Variants in CACNA1A observed in about 807,000 individuals in gnomAD.
The protein encoded by CACNA1A is calcium voltage-gated channel subunit alpha1 A, also known as voltage-dependent P/Q-type calcium channel subunit alpha-1A.
A neutral mutation model predicts 262.4 loss-of-function variants in CACNA1A; 57 were observed. That is an observed-to-expected ratio of 0.22 (90% CI 0.18 to 0.27). CACNA1A has a LOEUF of 0.27. Ranked by LOEUF, CACNA1A falls within the 10% of genes least tolerant of loss-of-function variation. CACNA1A has a pLI of 1.00. For missense variants in CACNA1A, 2,526 were observed against 3,562.8 expected (o/e 0.71, Z 7.41); for synonymous variants, 1,431 against 1,419.3 (o/e 1.01, Z -0.18).
At chr19:13,453,045 C>T (rs746886395) in intron 2 of CACNA1A, 30 bp from the exon 3 acceptor site, 6 of 1,613,446 alleles carry the variant, frequency 3.7e-6, no homozygotes, top group Non-Finnish European at 5.1e-6. Flanking sequence ...AGGTCAGCGT[C>T]TTGGGCTGGG....
intron 37 of CACNA1A, chr19:13,227,217 AG>A (rs2055486421): frequency 3.1e-6 from 1 of 324,434 alleles, no homozygotes; most frequent in African/African-American, 2.2e-5. Flanking sequence ...GACACTCATC[AG>A]AAAGGACGGA....
At chr19:13,265,128 A>G (rs574796192) in intron 24 of CACNA1A, among the ~76,000 whole-genome samples, 5 of 151,680 alleles carry the variant, frequency 3.3e-5, no homozygotes, top group African/African-American at 1.2e-4. Flanking sequence ...ACTGGCCTTG[A>G]CTCCCAAAGT....
At chr19:13,231,434 C>T (rs780605495) in intron 35 of CACNA1A, among the ~76,000 whole-genome samples, 4 of 152,034 alleles carry the variant, frequency 2.6e-5, no homozygotes, top group African/African-American at 9.7e-5. Context: ...ACAGGAGGAA[C>T]GGGTGGCGTG....
intron 3 of CACNA1A, among the ~76,000 whole-genome samples, chr19:13,424,435 CTTAT>C (rs960133902): frequency 1.2e-4 from 19 of 152,152 alleles, no homozygotes; most frequent in South Asian, 2.1e-4. Context: ...TGTTCTATTA[CTTAT>C]TTATTTTATT....
intron 2 of CACNA1A, among the ~76,000 whole-genome samples, chr19:13,453,299 C>G (rs573283242): frequency 1.2e-4 from 19 of 152,136 alleles, no homozygotes; most frequent in Non-Finnish European, 2.4e-4. Context: ...TTATTCAATA[C>G]GACAGTCACA....
At chr19:13,280,423 C>T (rs2057262872) in intron 22 of CACNA1A, among the ~76,000 whole-genome samples, 2 of 151,362 alleles carry the variant, frequency 1.3e-5, no homozygotes, top group South Asian at 4.2e-4. Context: ...GAACTCCTGG[C>T]CTCAAGCATT....
intron 10 of CACNA1A, among the ~76,000 whole-genome samples, chr19:13,323,338 A>C (rs2058293841): frequency 6.6e-6 from 1 of 152,216 alleles, no homozygotes; most frequent in Admixed American, 6.5e-5. Flanking sequence ...GTGATAGCTA[A>C]TGGTGGTTTT....
At chr19:13,249,743 C>T (rs543058047) in intron 30 of CACNA1A, among the ~76,000 whole-genome samples, 1 of 152,132 alleles carries the variant, frequency 6.6e-6, no homozygotes, top group Non-Finnish European at 1.5e-5. Flanking sequence ...TACCAGGGCT[C>T]TGCTGAGGTG....
intron 4 of CACNA1A, among the ~76,000 whole-genome samples, chr19:13,369,134 G>A (rs2059272631): frequency 1.3e-5 from 2 of 151,778 alleles, no homozygotes; most frequent in South Asian, 4.1e-4. Flanking sequence ...GTCTGGCCAA[G>A]ATCCCATTTT....
chr19:13,353,120 T>G (rs2058944967), intron 6 of CACNA1A, among the ~76,000 whole-genome samples: 1 of 151,350 alleles, frequency 6.6e-6, no homozygotes, highest in South Asian at 2.1e-4. Flanking sequence ...ATCATTTTTT[T>G]TGTTTTGTTT....
At chr19:13,476,537 T>C (rs988382855) in intron 1 of CACNA1A, among the ~76,000 whole-genome samples, 7 of 152,140 alleles carry the variant, frequency 4.6e-5, no homozygotes, top group Non-Finnish European at 8.8e-5. Context: ...GAATTAGTAG[T>C]TTCCAGAAGC....
chr19:13,354,764 T>G (rs1030451434), intron 6 of CACNA1A, among the ~76,000 whole-genome samples: 4 of 152,164 alleles, frequency 2.6e-5, no homozygotes, highest in Non-Finnish European at 4.4e-5. Context: ...TTAGTTAAAA[T>G]TAGGTTGGAC....
At chr19:13,282,690 G>A (rs4926256) in intron 22 of CACNA1A, among the ~76,000 whole-genome samples, 5 of 151,362 alleles carry the variant, frequency 3.3e-5, no homozygotes, top group East Asian at 2.0e-4. Context: ...ATGCCTGGGC[G>A]GGGGGTTGGG....
rs557919995 is a variant in CACNA1A at position 13,463,340 on chromosome 19, C to T, written c.294-8128G>A. Among the ~76,000 whole-genome samples, 4 of 152,244 alleles carry T rather than the reference C, an allele frequency of 2.6e-5. 1 individual carries two copies. The South Asian group carries it at 8.3e-4, about 32-fold the overall frequency. On this transcript the variant is annotated intron_variant, in intron 1 of 46. Coordinates refer to ENST00000360228, the MANE Select transcript of CACNA1A (RefSeq NM_001127222.2). Reference sequence around the variant, plus strand: ...ATGACTATTTCAACTTCAAACAATCCAAACAGTCTCCAGTTCCCAGACATG... The same window carrying T: ...ATGACTATTTCAACTTCAAACAATCTAAACAGTCTCCAGTTCCCAGACATG...
chr19:13,341,605 C>T (rs887769366), intron 6 of CACNA1A, among the ~76,000 whole-genome samples: 1 of 152,180 alleles, frequency 6.6e-6, no homozygotes, highest in African/African-American at 2.4e-5. Context: ...GGCCCTTGCA[C>T]AGGCTGTCCC....
chr19:13,235,184 G>A (rs1390088380), intron 33 of CACNA1A, 25 bp downstream of exon 33: 1 of 1,606,704 alleles, frequency 6.2e-7, no homozygotes, highest in African/African-American at 1.3e-5. Flanking sequence ...GGAGGCTCTG[G>A]GAACCTTAGG....
chr19:13,396,102 C>CA (rs2059806526), intron 3 of CACNA1A, among the ~76,000 whole-genome samples: 1 of 152,198 alleles, frequency 6.6e-6, no homozygotes, highest in Non-Finnish European at 1.5e-5. Context: ...TGCCTTTTCT[C>CA]CAATTAATAT....
At chr19:13,394,784 T>G (rs1346998558) in intron 3 of CACNA1A, among the ~76,000 whole-genome samples, 3 of 152,034 alleles carry the variant, frequency 2.0e-5, no homozygotes, top group Non-Finnish European at 4.4e-5. Flanking sequence ...AAGCAAAAGT[T>G]TTTCTCTGAC....
At chr19:13,406,575 A>T (rs967032732) in intron 3 of CACNA1A, among the ~76,000 whole-genome samples, 1 of 142,022 alleles carries the variant, frequency 7.0e-6, no homozygotes, top group East Asian at 2.2e-4. Context: ...GCAGGAGGAG[A>T]GGCTGGTGCA....
Sources: gnomAD v4.1 joint callset for allele counts (sites outside exome capture counted in the v4.1 genomes callset) on GRCh38, gnomAD v4.1.1 for gene constraint, MANE v1.5 for transcripts, NCBI Gene and HGNC (gene_info 2026-07-23, HGNC 2026-07-21) for gene names.